SBK1: variants seen among roughly 807,000 people sequenced by gnomAD.
SBK1 encodes the protein SH3 domain binding kinase 1.
Under a neutral mutation model 24.4 loss-of-function variants are expected in SBK1, and 11 were observed. The ratio of observed to expected loss-of-function variants is 0.45; its 90% CI spans 0.28 to 0.75. The LOEUF is 0.75. Ranked by LOEUF, SBK1 falls within the 30% of genes least tolerant of loss-of-function variation. The pLI, the probability that SBK1 is intolerant of heterozygous loss-of-function variation, is 0.12. For synonymous variants in SBK1, 308 were observed against 284.4 expected, an observed-to-expected ratio of 1.08 and a Z score of -0.83; for missense variants, 467 against 620.5, an observed-to-expected ratio of 0.75 and a Z score of 2.63.
At position 28,295,484 on chromosome 16, in the gene SBK1, G is replaced by A. The variant is rs141116855; in HGVS notation, c.-8+2184G>A. Among the ~76,000 whole-genome samples, 12 of 152,292 alleles carry A rather than the reference G, an allele frequency of 7.9e-5. No individual in the cohort carries two copies. The East Asian group carries it at 1.5e-3, about 20-fold the overall frequency. The stretch of plus-strand genomic sequence containing the variant: ...TGATTGGTTGGTGGTTTGGTGGCTT[G>A]GAGGTAGTGGCGTGTGTCTACATGT... On this transcript the variant is annotated intron_variant, in intron 1 of 3. Transcript: ENST00000341901.
chr16:28,266,040 A>G (rs765552906), intron 1 of SBK1, among the ~76,000 whole-genome samples: 10 of 152,030 alleles, frequency 6.6e-5, no homozygotes, highest in Non-Finnish European at 1.5e-4. Context: ...GGAAGATTGA[A>G]CACACACATG....
At chr16:28,297,787 C>G (rs186424527) in intron 1 of SBK1, among the ~76,000 whole-genome samples, 2 of 152,298 alleles carry the variant, frequency 1.3e-5, no homozygotes, top group East Asian at 3.9e-4. Context: ...CACAGTTACT[C>G]TTCCTTGGGA....
intron 1 of SBK1, among the ~76,000 whole-genome samples, chr16:28,265,581 TA>T (rs1409290922): frequency 6.6e-6 from 1 of 151,822 alleles, no homozygotes; most frequent in African/African-American, 2.4e-5. Context: ...ACCCTATCTC[TA>T]AAAAATATAA....
intron 1 of SBK1, among the ~76,000 whole-genome samples, chr16:28,296,968 A>G (rs925575116): frequency 6.6e-6 from 1 of 152,186 alleles, no homozygotes; most frequent in Non-Finnish European, 1.5e-5. Flanking sequence ...CTAACTTTCT[A>G]GGACTAAGTC....
chr16:28,320,640 C>T lies in SBK1; in HGVS notation c.994C>T (p.Pro332Ser). 8.4e-7 allele frequency: 1 copy of T among 1,190,446 alleles called. No homozygotes were observed. Among genetic ancestry groups the T allele is most frequent in the Non-Finnish European group, 1.0e-6 (1 of 960,090 alleles). The allele number at this position is 1,190,446 out of a possible 1,614,324, so 73.7% of individuals were successfully genotyped here. Residue 332 changes from proline (P) to serine (S), a missense_variant, in exon 4 of 4, where the codon CCC (proline) becomes TCC (serine). By Grantham distance (74) the Pro-to-Ser change is moderately conservative (BLOSUM62 -1). Coordinates refer to ENST00000341901, the MANE Select transcript of SBK1 (RefSeq NM_001024401.3). This position sits in a 1 kb window ranked among gnomAD's most constrained non-coding sequence, Gnocchi z 8.5. ...CCGGCCCTCGCACCGCGCGCGCAAGCCCCCCGGGGACCGCCCGCCCGCCGC... is the reference window on the plus strand; with the variant it reads ...CCGGCCCTCGCACCGCGCGCGCAAGTCCCCCGGGGACCGCCCGCCCGCCGC... ...RRRPSHRARK[P>S]PGDRPPAAGP...
intron 1 of SBK1, among the ~76,000 whole-genome samples, chr16:28,307,108 G>A (rs887970507): frequency 4.6e-5 from 7 of 152,146 alleles, no homozygotes; most frequent in Non-Finnish European, 1.0e-4. Flanking sequence ...GAGTAACAGC[G>A]GCCGCTGTGA....
At chr16:28,303,497 C>G (rs956024592) in intron 1 of SBK1, among the ~76,000 whole-genome samples, 1 of 121,094 alleles carries the variant, frequency 8.3e-6, no homozygotes, top group Admixed American at 8.6e-5. Context: ...TTTTTCTTTT[C>G]TTTTCTTTTC....
chr16:28,271,437 A>T (rs1218989041), intron 1 of SBK1, among the ~76,000 whole-genome samples: 1 of 152,004 alleles, frequency 6.6e-6, no homozygotes, highest in East Asian at 1.9e-4. Flanking sequence ...CACGCCTGTA[A>T]TCTCAGCTAC....
At chr16:28,270,813 T>C (rs1227226393) in intron 1 of SBK1, among the ~76,000 whole-genome samples, 12 of 151,864 alleles carry the variant, frequency 7.9e-5, no homozygotes, top group Admixed American at 7.9e-4. Flanking sequence ...TCAAAAATTT[T>C]ACCTCCTATG....
In SBK1 at chr16:28,321,721, G is replaced by C. The variant is rs1024085985; in HGVS notation, c.*800G>C. ...CCCCGCCCCTCCCCCTAACCACAAG[G>C]GATTGTCCTGACAACTTGTGGGGAT... is the stretch of plus-strand genomic sequence containing the variant. On this transcript the variant is annotated 3_prime_UTR_variant, in exon 4 of 4. Coordinates refer to ENST00000341901, the MANE Select transcript of SBK1 (RefSeq NM_001024401.3). The C allele has an allele frequency of 5.9e-5, 9 of 152,640 alleles. No individual in the cohort carries two copies. The highest frequency in any genetic ancestry group is 2.2e-4 in the African/African-American group (9 of 41,398). The allele number at this position is 152,640 out of a possible 1,614,324, so 9.5% of individuals were successfully genotyped here.
intron 1 of SBK1, among the ~76,000 whole-genome samples, chr16:28,304,167 G>A (rs963723666): frequency 2.6e-5 from 4 of 152,240 alleles, no homozygotes; most frequent in African/African-American, 9.6e-5. Flanking sequence ...CCAAGTGTCT[G>A]TCATTCAGAG....
At chr16:28,307,115 G>A (rs2044722005) in intron 1 of SBK1, among the ~76,000 whole-genome samples, 1 of 152,196 alleles carries the variant, frequency 6.6e-6, no homozygotes, top group South Asian at 2.1e-4. Context: ...AGCGGCCGCT[G>A]TGAACAGAGA....
upstream of SBK1, among the ~76,000 whole-genome samples, chr16:28,288,217 A>T (rs1350116285): frequency 1.3e-5 from 2 of 152,198 alleles, no homozygotes; most frequent in African/African-American, 2.4e-5. Context: ...TGCCTGTTCG[A>T]GGAGTCCTGT....
intron 1 of SBK1, among the ~76,000 whole-genome samples, chr16:28,305,981 A>G (rs1469597465): frequency 5.9e-5 from 9 of 152,144 alleles, no homozygotes; most frequent in Admixed American, 5.9e-4. Context: ...TCTTCCTTAC[A>G]GTAATGGCCC....
At position 28,293,266 on chromosome 16, in the gene SBK1, C is replaced by A; in HGVS notation, c.-42C>A. The stretch of plus-strand genomic sequence containing the variant: ...GACGAAGACCGCGACGGCGCCCAGG[C>A]CCCCTGCCGCGGCGTCCCCGCGGCC... On this transcript the variant is annotated 5_prime_UTR_variant, in exon 1 of 4. Coordinates refer to ENST00000341901, the MANE Select transcript of SBK1 (RefSeq NM_001024401.3). The A allele has an allele frequency of 1.0e-6, 1 of 985,500 alleles. No homozygotes were observed. Among genetic ancestry groups the A allele is most frequent in the South Asian group, 4.7e-5 (1 of 21,282 alleles). The allele number at this position is 985,500 out of a possible 1,614,324, so 61.0% of individuals were successfully genotyped here. A position where few individuals can be genotyped will look rare whatever the true frequency, so the allele number is the denominator to read the frequency against.
Position 28,317,560 on chromosome 16 carries a change from C to T in SBK1, c.169C>T (p.Arg57Trp), listed in dbSNP as rs777291014. Residue 57 changes from arginine (R) to tryptophan (W), a missense_variant, in exon 2 of 4, where the codon CGG becomes TGG. By Grantham distance (101) the Arg-to-Trp change is moderately radical (BLOSUM62 -3). Around this residue, in one of 4 missense-constraint regions of SBK1, gnomAD observed 123 missense variants for 158.2 expected, o/e 0.78. Transcript: ENST00000341901. This position sits in a 1 kb window ranked among gnomAD's most constrained non-coding sequence, Gnocchi z 4.2. ...CGTCACCAAGCACTACGAACTAGTCCGGGAGCTGGGCAAAGGCACCTATGG... is the reference window on the plus strand; with the variant it reads ...CGTCACCAAGCACTACGAACTAGTCTGGGAGCTGGGCAAAGGCACCTATGG... ...SDVTKHYELV[R>W]ELGKGTYGKV... is the part of the protein sequence containing the mutation. 2 of 1,614,008 alleles carry T rather than the reference C, an allele frequency of 1.2e-6. No homozygotes were observed. Among genetic ancestry groups the T allele is most frequent in the Non-Finnish European group, 1.7e-6 (2 of 1,179,946 alleles).
intron 1 of SBK1, among the ~76,000 whole-genome samples, chr16:28,261,344 C>G (rs2044396280): frequency 6.6e-6 from 1 of 151,996 alleles, no homozygotes; most frequent in South Asian, 2.1e-4. Context: ...CCTGTAACCC[C>G]AGACCTTTGG....
At chr16:28,287,553 G>A (rs989541271), upstream of SBK1, among the ~76,000 whole-genome samples, 9 of 152,170 alleles carry the variant, frequency 5.9e-5, no homozygotes, top group African/African-American at 2.2e-4. Context: ...CTCTGGAGAG[G>A]TGGCACCTTT....
upstream of SBK1, chr16:28,291,995 AC>A (rs2044601746): frequency 6.6e-6 from 1 of 152,156 alleles, no homozygotes; most frequent in Non-Finnish European, 1.5e-5. Flanking sequence ...GGATGGACGG[AC>A]GGATGGATGG....
Sources: allele counts gnomAD v4.1 joint callset (sites outside exome capture counted in the v4.1 genomes callset), GRCh38; gene constraint gnomAD v4.1.1; regional missense constraint gnomAD v4.1.1; non-coding constraint Gnocchi (gnomAD v3.1); transcripts MANE v1.5; gene names NCBI Gene and HGNC (gene_info 2026-07-23, HGNC 2026-07-21).